The following COPS6 variants were observed in gnomAD, a reference collection of about 807,000 sequenced individuals.
The protein encoded by COPS6 is COP9 signalosome complex subunit 6.
Under a neutral mutation model 41.0 loss-of-function variants are expected in COPS6, and 9 were observed. That is an observed-to-expected ratio of 0.22 (90% CI 0.13 to 0.38). The LOEUF (loss-of-function observed/expected upper bound fraction) is 0.38. Ranked by LOEUF, COPS6 falls within the 10% of genes least tolerant of loss-of-function variation. The pLI is 1.00. For synonymous variants in COPS6, 179 were observed against 162.9 expected (o/e 1.10, Z -0.75); for missense variants, 302 against 436.7 (o/e 0.69, Z 2.75).
chr7:100,091,824 G>A lies in COPS6; in HGVS notation c.*35G>A, dbSNP rs555625764. The A allele has an allele frequency of 8.1e-6, 13 of 1,613,716 alleles. No individual in the cohort carries two copies. The East Asian group carries it at 8.9e-5, about 11-fold the overall frequency. ...TTGAAGGGCTGATGGACAGGGGTCA[G>A]GCAACTATCCCAAAGGGGAGGGCAC... On this transcript the variant is annotated 3_prime_UTR_variant, in exon 10 of 10. Transcript: ENST00000303904. This position sits in a 1 kb window ranked among gnomAD's most constrained non-coding sequence, Gnocchi z 4.1.
chr7:100,091,531 A>C lies in COPS6; in HGVS notation c.843+11A>C, dbSNP rs1160941274. 1 of 1,613,956 alleles carries C rather than the reference A, an allele frequency of 6.2e-7. No homozygotes were observed. Among genetic ancestry groups the C allele is most frequent in the Admixed American group, 1.7e-5 (1 of 60,014 alleles). On this transcript the variant is annotated intron_variant, in intron 9 of 9. Transcript: ENST00000303904. This position sits in a 1 kb window ranked among gnomAD's most constrained non-coding sequence, Gnocchi z 4.1. ...ACAGATTTTTATGATGTGAGTGTAAAACCCGGATGGGGAGGCGGGGCTTAT... is the reference window on the plus strand; with the variant it reads ...ACAGATTTTTATGATGTGAGTGTAACACCCGGATGGGGAGGCGGGGCTTAT...
chr7:100,089,742 G>A lies in COPS6; in HGVS notation c.330G>A (p.Glu110=), dbSNP rs1795285016. The change falls in exon 3 of 10, where the codon GAG becomes GAA. Residue 110 remains glutamate (E), a synonymous_variant. Coordinates refer to ENST00000303904, the MANE Select transcript of COPS6 (RefSeq NM_006833.5). ...AGGAATATTATTACACCAAGGAGGA[G>A]CAGTGTGAGAGTGGAATAGATGTGG... ...IDKEYYYTKE[E]QFKQVFKELE... 3 of 1,613,588 alleles carry A rather than the reference G, an allele frequency of 1.9e-6. No homozygotes were observed. The highest frequency in any genetic ancestry group is 2.2e-5 in the East Asian group (1 of 44,874).
At chr7:100,090,789 A>G in intron 5 of COPS6, 113 bp from the exon 6 acceptor site, 3 of 1,459,940 alleles carry the variant, frequency 2.1e-6, no homozygotes, top group Non-Finnish European at 2.9e-6. Flanking sequence ...CCAAACTGTG[A>G]AAGGAGGTAA....
rs372319928 is a variant in COPS6, at chr7:100,091,240, G to A, written c.652G>A (p.Ala218Thr). The change falls in exon 8 of 10, where the codon GCT becomes ACT. Residue 218 changes from alanine to threonine, a missense_variant and splice_region_variant. This residue lies in a region of COPS6 where 222 missense variants were observed against 309.0 expected (regional missense o/e 0.72). Transcript: ENST00000303904. This position sits in a 1 kb window ranked among gnomAD's most constrained non-coding sequence, Gnocchi z 4.1. The stretch of plus-strand genomic sequence containing the variant: ...CTCCTGTCCTCATCCCCTTGCAGTG[G>A]CTGAACACCTGATAGCACAGCACAG... ...ATGSGENSTVAEHLIAQHSAI... is the reference protein window; with the variant it reads ...ATGSGENSTVTEHLIAQHSAI... The A allele has an allele frequency of 2.5e-6, 4 of 1,614,048 alleles. No homozygotes were observed. The highest frequency in any genetic ancestry group is 2.7e-5 in the African/African-American group (2 of 74,922).
In COPS6 at chr7:100,089,610, C is replaced by G. The variant is rs377698165; in HGVS notation, c.203-5C>G. On this transcript the variant is annotated splice_polypyrimidine_tract_variant and splice_region_variant and intron_variant, in intron 2 of 9. Coordinates refer to ENST00000303904, the MANE Select transcript of COPS6 (RefSeq NM_006833.5). ...TCACCTTTTCCATGTCATTCTCTTTCCCAGTGATTGGGGCTCTGATTGGCA... is the reference window on the plus strand; with the variant it reads ...TCACCTTTTCCATGTCATTCTCTTTGCCAGTGATTGGGGCTCTGATTGGCA... 6 of 1,611,868 alleles carry G rather than the reference C, an allele frequency of 3.7e-6. No individual in the cohort carries two copies. In the African/African-American group the frequency reaches 6.7e-5, roughly 18 times the overall value.
rs1209643409 is a variant in COPS6, at chr7:100,089,840, A to C, written c.334+94A>C. On this transcript the variant is annotated intron_variant, in intron 3 of 9. Transcript: ENST00000303904. ...GGAGAGGGTTGGAAAGAAACAGGAG[A>C]GGAGACCAAGAACAGGGGAGAAAAA... 2.4e-6 allele frequency: 3 copies of C among 1,268,076 alleles called. No homozygotes were observed. In the East Asian group the frequency reaches 7.3e-5, roughly 31 times the overall value. 78.6% of individuals were successfully genotyped at this position (1,268,076 alleles called of 1,614,324 possible).
rs1428070448 is a variant in COPS6 at position 100,091,372 on chromosome 7, G to A, written c.742+42G>A. Reference sequence around the variant, plus strand: ...CCTGGCATTCTTCCTCTCCCTCCTGGGGAAGTGACAGCATCCAAACTAATG... The same window carrying A: ...CCTGGCATTCTTCCTCTCCCTCCTGAGGAAGTGACAGCATCCAAACTAATG... On this transcript the variant is annotated intron_variant, in intron 8 of 9. Transcript: ENST00000303904. This position sits in a 1 kb window ranked among gnomAD's most constrained non-coding sequence, Gnocchi z 4.1. The A allele has an allele frequency of 1.9e-6, 3 of 1,613,116 alleles. No individual in the cohort carries two copies. The South Asian group carries it at 3.3e-5, about 18-fold the overall frequency.
chr7:100,089,254 G>GGAC, intron 1 of COPS6, 36 bp from the exon 2 acceptor site: 6 of 1,594,704 alleles, frequency 3.8e-6, no homozygotes, highest in Non-Finnish European at 5.1e-6. Flanking sequence ...CGTGGGGCCC[G>GGAC]GACTCTCACC....
chr7:100,090,762 G>T, intron 5 of COPS6, 108 bp downstream of exon 5: 1 of 1,449,758 alleles, frequency 6.9e-7, no homozygotes. Flanking sequence ...TGTGACTCTG[G>T]CTTAGTCATT....
In COPS6 at chr7:100,091,228, C is replaced by T; in HGVS notation, c.650-10C>T. On this transcript the variant is annotated splice_polypyrimidine_tract_variant and intron_variant, in intron 7 of 9. Transcript: ENST00000303904. This position sits in a 1 kb window ranked among gnomAD's most constrained non-coding sequence, Gnocchi z 4.1. ...CGTCTCAACCTCCTCCTGTCCTCAT[C>T]CCCTTGCAGTGGCTGAACACCTGAT... 6.2e-7 allele frequency: 1 copy of T among 1,614,176 alleles called. No individual in the cohort carries two copies. Among genetic ancestry groups the T allele is most frequent in the Non-Finnish European group, 8.5e-7 (1 of 1,180,000 alleles).
Position 100,088,986 on chromosome 7 carries a change from G to A in COPS6, c.-5G>A. The A allele has an allele frequency of 7.6e-7, 1 of 1,313,454 alleles. No homozygotes were observed. Among genetic ancestry groups the A allele is most frequent in the African/African-American group, 1.5e-5 (1 of 65,088 alleles). 81.4% of individuals were successfully genotyped at this position (1,313,454 alleles called of 1,614,324 possible). A position where few individuals can be genotyped will look rare whatever the true frequency, so the allele number is the denominator to read the frequency against. The stretch of plus-strand genomic sequence containing the variant: ...GCGGGGCCGAGGCTGGCGGGCGCGG[G>A]GAAAATGGCGGCGGCGGCGGCGGCG... On this transcript the variant is annotated 5_prime_UTR_variant, in exon 1 of 10. Transcript: ENST00000303904.
chr7:100,089,133 T>C (rs1240323481), intron 1 of COPS6, 67 bp downstream of exon 1: 1 of 1,465,964 alleles, frequency 6.8e-7, no homozygotes, highest in Non-Finnish European at 9.0e-7. Context: ...CTCCCTGTGC[T>C]CCCGGGAGAA....
Position 100,089,029 on chromosome 7 carries a change from G to A in COPS6, c.39G>A (p.Gly13=). 7.3e-7 allele frequency: 1 copy of A among 1,363,052 alleles called. No homozygotes were observed. Among genetic ancestry groups the A allele is most frequent in the Non-Finnish European group, 9.5e-7 (1 of 1,056,386 alleles). 84.4% of individuals were successfully genotyped at this position (1,363,052 alleles called of 1,614,324 possible). A position where few individuals can be genotyped will look rare whatever the true frequency, so the allele number is the denominator to read the frequency against. ...AAAAAAAATN[G]TGGSSGMEVD... is the part of the protein sequence containing the mutation. Reference sequence around the variant, plus strand: ...CGGCGGCGGCTGCAGCTACGAACGGGACCGGAGGAAGCAGCGGGATGGAGG... The same window carrying A: ...CGGCGGCGGCTGCAGCTACGAACGGAACCGGAGGAAGCAGCGGGATGGAGG... Residue 13 remains glycine (G), a synonymous_variant, in exon 1 of 10, where the codon GGG becomes GGA. Transcript: ENST00000303904.
Position 100,090,889 on chromosome 7 carries a change from G to C in COPS6, c.487-13G>C. ...TGGCATATAGTGTTCAGGTTTCTCC[G>C]TCTCCTTCACAGCTTCCTGTCAGCG... On this transcript the variant is annotated splice_polypyrimidine_tract_variant and intron_variant, in intron 5 of 9. Coordinates refer to ENST00000303904, the MANE Select transcript of COPS6 (RefSeq NM_006833.5). 1 of 1,614,074 alleles carries C rather than the reference G, an allele frequency of 6.2e-7. No individual in the cohort carries two copies. Among genetic ancestry groups the C allele is most frequent in the Non-Finnish European group, 8.5e-7 (1 of 1,179,948 alleles).
intron 5 of COPS6, 79 bp from the exon 6 acceptor site, chr7:100,090,823 G>T (rs140641576): frequency 1.3e-6 from 2 of 1,540,404 alleles, no homozygotes; most frequent in Admixed American, 3.4e-5. Context: ...GGTTTCTTGG[G>T]AAGATGAGAG....
chr7:100,089,353 T>C lies in COPS6; in HGVS notation c.140T>C (p.Val47Ala). 4 of 1,614,082 alleles carry C rather than the reference T, an allele frequency of 2.5e-6. No individual in the cohort carries two copies. Among genetic ancestry groups the C allele is most frequent in the Non-Finnish European group, 3.4e-6 (4 of 1,180,020 alleles). The change falls in exon 2 of 10, where the codon GTC (valine) becomes GCC (alanine). Residue 47 changes from valine (V) to alanine (A), a missense_variant. Val to Ala is a moderately conservative substitution (Grantham distance 64). Around this residue, in one of 3 missense-constraint regions of COPS6, gnomAD observed 76 missense variants for 97.9 expected, o/e 0.78. Coordinates refer to ENST00000303904, the MANE Select transcript of COPS6 (RefSeq NM_006833.5). Reference protein sequence around the residue: ...GSVSVALHPLVILNISDHWIR... With the variant: ...GSVSVALHPLAILNISDHWIR... ...GTTTCCGTCGCTCTCCATCCCCTTG[T>C]CATTCTCAACATCTCAGACCACTGG...
In COPS6 at chr7:100,090,386, C is replaced by T. The variant is rs760401782; in HGVS notation, c.335-13C>T. ...AAAAGAATTACTATATGTTCTGGCC[C>T]CTTCCCCTCTAGTTAAACAGGTGTT... On this transcript the variant is annotated splice_polypyrimidine_tract_variant and intron_variant, in intron 3 of 9. Transcript: ENST00000303904. 10 of 1,602,606 alleles carry T rather than the reference C, an allele frequency of 6.2e-6. No homozygotes were observed. The Admixed American group carries it at 1.5e-4, about 24-fold the overall frequency.
intron 5 of COPS6, 91 bp from the exon 6 acceptor site, chr7:100,090,811 T>C (rs898874586): frequency 1.7e-5 from 25 of 1,502,990 alleles, no homozygotes; most frequent in South Asian, 1.6e-4. Context: ...CCCTACTTCA[T>C]TGGTTTCTTG....
In COPS6 at chr7:100,092,157, C is replaced by G. The variant is rs1002701065; in HGVS notation, c.*368C>G. 1.4e-4 allele frequency: 30 copies of G among 216,700 alleles called. No individual in the cohort carries two copies. The highest frequency in any genetic ancestry group is 6.9e-4 in the African/African-American group (30 of 43,568). 13.4% of individuals were successfully genotyped at this position (216,700 alleles called of 1,614,324 possible). A position where few individuals can be genotyped will look rare whatever the true frequency, so the allele number is the denominator to read the frequency against. ...CCTCTACATCATCTTACCTAGCCCA[C>G]CCAACCTTATAAACATGATAATTGA... On this transcript the variant is annotated 3_prime_UTR_variant, in exon 10 of 10. Transcript: ENST00000303904.
Sources: allele counts gnomAD v4.1 joint callset, GRCh38; gene constraint gnomAD v4.1.1; regional missense constraint gnomAD v4.1.1; non-coding constraint Gnocchi (gnomAD v3.1); transcripts MANE v1.5; gene names NCBI Gene and HGNC (gene_info 2026-07-23, HGNC 2026-07-21).